Variants in KLHDC8A observed in about 807,000 individuals in gnomAD.
KLHDC8A encodes kelch domain-containing protein 8A.
KLHDC8A carries 21 observed loss-of-function variants against 33.1 expected under a neutral mutation model. The ratio of observed to expected loss-of-function variants is 0.64; its 90% CI spans 0.45 to 0.91. The LOEUF (loss-of-function observed/expected upper bound fraction) is 0.91. Among genes scored for constraint, KLHDC8A ranks in the 40% least tolerant of loss-of-function variants. KLHDC8A has a pLI of 0.00. For missense variants in KLHDC8A, 435 were observed against 483.3 expected, an observed-to-expected ratio of 0.90 and a Z score of 0.94; for synonymous variants, 173 against 193.5, an observed-to-expected ratio of 0.89 and a Z score of 0.88.
chr1:205,354,591 T>G (rs1369689389), intron 1 of KLHDC8A, among the ~76,000 whole-genome samples: 1 of 152,148 alleles, frequency 6.6e-6, no homozygotes, highest in Non-Finnish European at 1.5e-5. Context: ...AGATGGCCAG[T>G]GGGATGGAAG....
intron 1 of KLHDC8A, among the ~76,000 whole-genome samples, chr1:205,350,840 C>T (rs372481598): frequency 0.02 from 923 of 47,062 alleles, 10 homozygotes; most frequent in Non-Finnish European, 0.021. Context: ...TGTGTGTGCG[C>T]GCACGCATGT....
intron 1 of KLHDC8A, among the ~76,000 whole-genome samples, chr1:205,348,200 C>A (rs1229087574): frequency 1.3e-5 from 2 of 152,204 alleles, no homozygotes; most frequent in Admixed American, 1.3e-4. Flanking sequence ...GGAACAGTTT[C>A]TTCCCAATAA....
At chr1:205,356,501 A>C (rs1319184327) in intron 1 of KLHDC8A, 32 bp downstream of exon 1, 1 of 456,048 alleles carries the variant, frequency 2.2e-6, no homozygotes. Context: ...CCAAGGCATC[A>C]CTCTGCATAG....
At chr1:205,350,860 T>G (rs1184708268) in intron 1 of KLHDC8A, among the ~76,000 whole-genome samples, 1 of 106,764 alleles carries the variant, frequency 9.4e-6, no homozygotes, top group Non-Finnish European at 2.1e-5. Flanking sequence ...TGTGTGTGCA[T>G]GTGTGTGTGT....
chr1:205,356,585 A>G lies in KLHDC8A; in HGVS notation c.-242T>C, dbSNP rs1394555188. On this transcript the variant is annotated 5_prime_UTR_variant, in exon 1 of 6. Coordinates refer to ENST00000367155, the MANE Select transcript of KLHDC8A (RefSeq NM_018203.3). ...CGGCGATCATCTGCAAAAGACAAAG[A>G]AGGGGAGGGGCCGGGAGAGGGTCGA... The G allele has an allele frequency of 2.2e-6, 1 of 456,332 alleles. No homozygotes were observed. The highest frequency in any genetic ancestry group is 4.4e-6 in the Non-Finnish European group (1 of 226,972). The allele number at this position is 456,332 out of a possible 1,614,324, so 28.3% of individuals were successfully genotyped here.
rs1006703761 is a variant in KLHDC8A at position 205,336,440 on chromosome 1, G to A, written c.*959C>T. ...GGCCCTATTTAGCCTGAGAATGCAG[G>A]AGGGATTGTTTTATGGGGTCCTCCC... On this transcript the variant is annotated 3_prime_UTR_variant, in exon 6 of 6. Transcript: ENST00000367155. 5 of 152,696 alleles carry A rather than the reference G, an allele frequency of 3.3e-5. No homozygotes were observed. The highest frequency in any genetic ancestry group is 1.2e-4 in the African/African-American group (5 of 41,446). The allele number at this position is 152,696 out of a possible 1,614,324, so 9.5% of individuals were successfully genotyped here.
At chr1:205,348,353 CCCTCCCCAGAAATACTCTTTA>C (rs1174509315) in intron 1 of KLHDC8A, 12 of 152,228 alleles carry the variant, frequency 7.9e-5, no homozygotes, top group African/African-American at 2.4e-4. Context: ...TGCTCCTTAT[CCCTCCCCAGAAATACTCTTTA>C]CCGGAGTGCC....
At chr1:205,342,640 G>A (rs1275149201) in intron 2 of KLHDC8A, among the ~76,000 whole-genome samples, 2 of 152,242 alleles carry the variant, frequency 1.3e-5, no homozygotes, top group Non-Finnish European at 2.9e-5. Flanking sequence ...GCTCAGGTGT[G>A]TCTGAACTTG....
chr1:205,355,813 T>C (rs751654823), intron 1 of KLHDC8A, among the ~76,000 whole-genome samples: 1 of 152,234 alleles, frequency 6.6e-6, no homozygotes, highest in Non-Finnish European at 1.5e-5. Flanking sequence ...AGATATTCTT[T>C]CTTACCAGAT....
chr1:205,342,980 A>G (rs1410775453), intron 2 of KLHDC8A, among the ~76,000 whole-genome samples: 1 of 152,102 alleles, frequency 6.6e-6, no homozygotes, highest in African/African-American at 2.4e-5. Context: ...TGACGCTACA[A>G]GGATGGAGTG....
intron 1 of KLHDC8A, among the ~76,000 whole-genome samples, chr1:205,352,477 T>A (rs550476240): frequency 6.6e-6 from 1 of 152,244 alleles, no homozygotes; most frequent in African/African-American, 2.4e-5. Flanking sequence ...CCAGGCATCA[T>A]CCAGTGCTTT....
rs1662657855 is a variant in KLHDC8A at position 205,337,249 on chromosome 1, G to C, written c.*150C>G. On this transcript the variant is annotated 3_prime_UTR_variant, in exon 6 of 6. Coordinates refer to ENST00000367155, the MANE Select transcript of KLHDC8A (RefSeq NM_018203.3). ...TTGGTAGGATTTGGAGCTATAGAGAGGTCAACTTAGAGCCCCAAGGCCAGA... is the reference window on the plus strand; with the variant it reads ...TTGGTAGGATTTGGAGCTATAGAGACGTCAACTTAGAGCCCCAAGGCCAGA... The C allele has an allele frequency of 1.6e-6, 1 of 639,642 alleles. No homozygotes were observed. 39.6% of individuals were successfully genotyped at this position (639,642 alleles called of 1,614,324 possible).
intron 1 of KLHDC8A, among the ~76,000 whole-genome samples, chr1:205,344,645 G>C (rs1662896766): frequency 6.6e-6 from 1 of 152,154 alleles, no homozygotes; most frequent in Admixed American, 6.5e-5. Context: ...CAGCTTTGCT[G>C]GGGGGAGGTA....
Position 205,339,519 on chromosome 1 carries a change from G to T in KLHDC8A, c.542-110C>A. 2 of 1,411,450 alleles carry T rather than the reference G, an allele frequency of 1.4e-6. No individual in the cohort carries two copies. Among genetic ancestry groups the T allele is most frequent in the Non-Finnish European group, 2.0e-6 (2 of 1,017,806 alleles). The allele number at this position is 1,411,450 out of a possible 1,614,324, so 87.4% of individuals were successfully genotyped here. On this transcript the variant is annotated intron_variant, in intron 3 of 5. Transcript: ENST00000367155. This position sits in a 1 kb window ranked among gnomAD's most constrained non-coding sequence, Gnocchi z 5.1. The stretch of plus-strand genomic sequence containing the variant: ...TTACTCATTCATACAGGAAGCTCCC[G>T]GTGGGCTGGGCAGTGTGATTATCCC...
chr1:205,355,686 T>C (rs1663247593), intron 1 of KLHDC8A, among the ~76,000 whole-genome samples: 1 of 152,196 alleles, frequency 6.6e-6, no homozygotes, highest in African/African-American at 2.4e-5. Context: ...ATTGTCATTG[T>C]ACAAAGGTGA....
At chr1:205,350,984 A>T (rs893543890) in intron 1 of KLHDC8A, among the ~76,000 whole-genome samples, 2 of 152,216 alleles carry the variant, frequency 1.3e-5, no homozygotes, top group Non-Finnish European at 2.9e-5. Context: ...AGGGCCTGCT[A>T]GAAACAGAAG....
intron 2 of KLHDC8A, among the ~76,000 whole-genome samples, chr1:205,343,024 G>A (rs1662831748): frequency 1.3e-5 from 2 of 152,196 alleles, no homozygotes; most frequent in African/African-American, 4.8e-5. Flanking sequence ...GTGTCTGGGG[G>A]TGGTGGCACC....
chr1:205,337,953 T>G (rs1316913896), intron 5 of KLHDC8A, among the ~76,000 whole-genome samples: 1 of 152,194 alleles, frequency 6.6e-6, no homozygotes, highest in Non-Finnish European at 1.5e-5. Context: ...CCACACTAAG[T>G]AGACTTGGGG....
At position 205,337,553 on chromosome 1, in the gene KLHDC8A, T is replaced by C. The variant is rs138757406; in HGVS notation, c.899A>G (p.His300Arg). Residue 300 changes from histidine to arginine, a missense_variant, in exon 6 of 6, where the codon CAC (histidine) becomes CGC (arginine). Coordinates refer to ENST00000367155, the MANE Select transcript of KLHDC8A (RefSeq NM_018203.3). Reference protein sequence around the residue: ...PTVLETAEAFHPGKNKWEILP... With the variant: ...PTVLETAEAFRPGKNKWEILP... ...GATCTCCCATTTGTTCTTCCCTGGG[T>C]GGAATGCTTCCGCCGTCTCCAGGAC... 5.0e-5 allele frequency: 81 copies of C among 1,613,728 alleles called. No homozygotes were observed. Among genetic ancestry groups the C allele is most frequent in the Non-Finnish European group, 6.5e-5 (77 of 1,179,906 alleles).
Sources: allele counts gnomAD v4.1 joint callset (sites outside exome capture counted in the v4.1 genomes callset), GRCh38; gene constraint gnomAD v4.1.1; non-coding constraint Gnocchi (gnomAD v3.1); transcripts MANE v1.5; gene names NCBI Gene and HGNC (gene_info 2026-07-23, HGNC 2026-07-21).